IL1R1: variants seen among roughly 807,000 people sequenced by gnomAD.
IL1R1 encodes the protein interleukin-1 receptor type 1.
Under a neutral mutation model 50.2 loss-of-function variants are expected in IL1R1, and 22 were observed. The observed-to-expected ratio is 0.44, with a 90% CI of 0.31 to 0.63. IL1R1 has a LOEUF of 0.63. IL1R1 is among the 20% of genes least tolerant of loss of function. The probability of loss-of-function intolerance (pLI) is 0.07; values close to 1 mark genes in which losing one functional copy is unlikely to be tolerated. For missense variants in IL1R1, 509 were observed against 676.2 expected (o/e 0.75, Z 2.74); for synonymous variants, 251 against 236.7 (o/e 1.06, Z -0.55).
At chr2:102,082,699 T>G (rs1043231971) in intron 1 of IL1R1, among the ~76,000 whole-genome samples, 1 of 152,196 alleles carries the variant, frequency 6.6e-6, no homozygotes, top group Non-Finnish European at 1.5e-5. Context: ...TTTCTCTCTC[T>G]TTTTTAAATA....
intron 1 of IL1R1, among the ~76,000 whole-genome samples, chr2:102,111,494 A>G (rs758764498): frequency 7.9e-5 from 12 of 152,342 alleles, no homozygotes; most frequent in Non-Finnish European, 1.5e-4. Context: ...TCATGCATTA[A>G]TAAACTGACT....
At chr2:102,139,835 A>G (rs2041748), upstream of IL1R1, among the ~76,000 whole-genome samples, 124,698 of 152,252 alleles carry the variant, frequency 0.82, 51,606 homozygotes, top group African/African-American at 0.94. Flanking sequence ...TGTATAGCCT[A>G]CAGAACCATG....
intron 1 of IL1R1, among the ~76,000 whole-genome samples, chr2:102,090,464 T>C (rs1679617946): frequency 6.6e-6 from 1 of 152,188 alleles, no homozygotes; most frequent in Non-Finnish European, 1.5e-5. Flanking sequence ...ACTTCTTGAG[T>C]ATATCATGCA....
At chr2:102,158,459 C>T (rs1684403839) in intron 3 of IL1R1, among the ~76,000 whole-genome samples, 2 of 152,106 alleles carry the variant, frequency 1.3e-5, no homozygotes, top group Non-Finnish European at 2.9e-5. Context: ...AAAAAACCTC[C>T]CTGAGAAGCT....
upstream of IL1R1, among the ~76,000 whole-genome samples, chr2:102,099,591 A>T (rs78586680): frequency 9.5e-3 from 1,441 of 152,194 alleles, 23 homozygotes; most frequent in African/African-American, 0.033. Flanking sequence ...GGCCATGAAC[A>T]GCCTTTGTTA....
chr2:102,088,805 A>G (rs1384587151), intron 1 of IL1R1, among the ~76,000 whole-genome samples: 2 of 152,252 alleles, frequency 1.3e-5, no homozygotes, highest in African/African-American at 4.8e-5. Context: ...TGCAGCTTCT[A>G]CATTAACACT....
chr2:102,146,703 A>G (rs1035087741), intron 1 of IL1R1, among the ~76,000 whole-genome samples: 1 of 152,248 alleles, frequency 6.6e-6, no homozygotes, highest in African/African-American at 2.4e-5. Context: ...ATATGAATGT[A>G]GAAGGGAGTT....
intron 1 of IL1R1, among the ~76,000 whole-genome samples, chr2:102,150,196 G>A (rs1217127922): frequency 7.9e-5 from 12 of 152,208 alleles, no homozygotes; most frequent in Non-Finnish European, 4.4e-5. Flanking sequence ...CAGGAAAAAT[G>A]CCTCCTTCCC....
intron 3 of IL1R1, among the ~76,000 whole-genome samples, chr2:102,160,511 AG>A (rs1684619367): frequency 6.6e-6 from 1 of 152,142 alleles, no homozygotes; most frequent in South Asian, 2.1e-4. Flanking sequence ...CTGCTCCACC[AG>A]GGGCTAAGCA....
At chr2:102,121,679 A>C (rs1681415643) in intron 1 of IL1R1, among the ~76,000 whole-genome samples, 1 of 152,204 alleles carries the variant, frequency 6.6e-6, no homozygotes, top group Non-Finnish European at 1.5e-5. Context: ...GGGGAGTTCA[A>C]AAATACCATT....
upstream of IL1R1, among the ~76,000 whole-genome samples, chr2:102,104,038 C>T (rs1185908061): frequency 6.6e-6 from 1 of 150,696 alleles, no homozygotes; most frequent in Non-Finnish European, 1.5e-5. Flanking sequence ...CACCAGCTCT[C>T]CTAGGTGGAT....
At chr2:102,146,665 A>G (rs1466629948) in intron 1 of IL1R1, among the ~76,000 whole-genome samples, 1 of 152,242 alleles carries the variant, frequency 6.6e-6, no homozygotes, top group African/African-American at 2.4e-5. Flanking sequence ...TAGTGTGTAT[A>G]AACTTGTGCC....
intron 1 of IL1R1, among the ~76,000 whole-genome samples, chr2:102,132,386 G>C (rs1682085362): frequency 6.6e-6 from 1 of 152,100 alleles, no homozygotes; most frequent in Non-Finnish European, 1.5e-5. Flanking sequence ...AGTCACGCAA[G>C]GGAAAATGAA....
At chr2:102,171,749 A>G in intron 7 of IL1R1, 52 bp from the exon 8 acceptor site, 4 of 1,069,388 alleles carry the variant, frequency 3.7e-6, no homozygotes, top group Admixed American at 2.0e-5. Flanking sequence ...ATTAATCTAG[A>G]TAGATCAGAA....
intron 9 of IL1R1, 38 bp from the exon 10 acceptor site, chr2:102,174,549 C>A (rs200588277): frequency 2.6e-4 from 386 of 1,482,370 alleles, no homozygotes; most frequent in Non-Finnish European, 3.3e-4. Flanking sequence ...CTTTTTGGTT[C>A]TAATATTTTT....
intron 1 of IL1R1, among the ~76,000 whole-genome samples, chr2:102,086,363 C>G (rs995867508): frequency 6.6e-6 from 1 of 152,070 alleles, no homozygotes; most frequent in South Asian, 2.1e-4. Context: ...TCTAGCTGCT[C>G]TCAGGATATT....
intron 2 of IL1R1, among the ~76,000 whole-genome samples, chr2:102,157,359 G>A (rs1254032889): frequency 6.6e-6 from 1 of 152,108 alleles, no homozygotes; most frequent in Non-Finnish European, 1.5e-5. Flanking sequence ...ACAAGCAGAG[G>A]TGAGCTGGCT....
At chr2:102,071,740 G>T (rs72817883) in intron 1 of IL1R1, among the ~76,000 whole-genome samples, 3,571 of 152,244 alleles carry the variant, frequency 0.023, 83 homozygotes, top group Non-Finnish European at 0.037. Flanking sequence ...AGTGGCACCA[G>T]GCTTTACAAC....
chr2:102,107,771 G>A (rs1020618217), intron 1 of IL1R1, among the ~76,000 whole-genome samples: 12 of 152,256 alleles, frequency 7.9e-5, no homozygotes, highest in African/African-American at 2.4e-4. Context: ...TCAGCCTCTC[G>A]TCTTTTTTGG....
Sources: allele counts gnomAD v4.1 joint callset (sites outside exome capture counted in the v4.1 genomes callset), GRCh38; gene constraint gnomAD v4.1.1; transcripts MANE v1.5; gene names NCBI Gene and HGNC (gene_info 2026-07-23, HGNC 2026-07-21).